Variants in KLHL29 observed in about 807,000 individuals in gnomAD.
The protein encoded by KLHL29 is kelch like family member 29, also known as kelch-like protein 29.
KLHL29 carries 21 observed loss-of-function variants against 80.4 expected under a neutral mutation model. The observed-to-expected ratio is 0.26, with a 90% CI of 0.19 to 0.38. The LOEUF (loss-of-function observed/expected upper bound fraction) is 0.38. Ranked by LOEUF, KLHL29 falls within the 10% of genes least tolerant of loss-of-function variation. The pLI is 1.00. For missense variants in KLHL29, 867 were observed against 1,223.9 expected (o/e 0.71, Z 4.35); for synonymous variants, 511 against 526.8 (o/e 0.97, Z 0.41).
chr2:23,412,162 G>A (rs1019668084), intron 1 of KLHL29, among the ~76,000 whole-genome samples: 3 of 151,196 alleles, frequency 2.0e-5, no homozygotes, highest in African/African-American at 4.9e-5. Context: ...GGATGGAAGG[G>A]CCATCTCTGA....
At chr2:23,406,354 C>T in intron 1 of KLHL29, among the ~76,000 whole-genome samples, 1 of 142,906 alleles carries the variant, frequency 7.0e-6, no homozygotes, top group South Asian at 2.2e-4. Flanking sequence ...GAAAAGAAAA[C>T]ACACATATTA....
chr2:23,486,372 T>C (rs536578495), intron 2 of KLHL29, among the ~76,000 whole-genome samples: 4 of 152,050 alleles, frequency 2.6e-5, no homozygotes, highest in African/African-American at 9.6e-5. Flanking sequence ...CCTCCCACGA[T>C]TGCCACTGAC....
chr2:23,438,106 C>T (rs1164739688), intron 1 of KLHL29, among the ~76,000 whole-genome samples: 1 of 149,920 alleles, frequency 6.7e-6, no homozygotes, highest in African/African-American at 2.5e-5. Flanking sequence ...ATTTGGCTCT[C>T]TGTTTGACTG....
At chr2:23,638,085 T>TAAAAAAAAAAAAAAAAAAA (rs553356362) in intron 3 of KLHL29, among the ~76,000 whole-genome samples, 5 of 111,592 alleles carry the variant, frequency 4.5e-5, no homozygotes, top group Non-Finnish European at 9.1e-5. Context: ...ATGGCCATAG[T>TAAAAAAAAAAAAAAAAAAA]AAAAAAAAAA....
intron 3 of KLHL29, among the ~76,000 whole-genome samples, chr2:23,584,084 G>A (rs1328913846): frequency 1.3e-5 from 2 of 152,192 alleles, no homozygotes; most frequent in Non-Finnish European, 2.9e-5. Context: ...CCACCTGCCT[G>A]GAGGAAACTA....
chr2:23,428,874 C>T (rs1193601176), intron 1 of KLHL29, among the ~76,000 whole-genome samples: 1 of 152,328 alleles, frequency 6.6e-6, no homozygotes, highest in South Asian at 2.1e-4. Flanking sequence ...AATGTCCCAG[C>T]CTTTCCCTTT....
intron 2 of KLHL29, among the ~76,000 whole-genome samples, chr2:23,555,149 G>T (rs1572397790): frequency 6.6e-6 from 1 of 151,760 alleles, no homozygotes; most frequent in South Asian, 2.1e-4. Flanking sequence ...GTGTCTCCCA[G>T]TGTCCCTGAG....
intron 1 of KLHL29, among the ~76,000 whole-genome samples, chr2:23,419,686 C>T (rs1373912211): frequency 6.6e-6 from 1 of 152,156 alleles, no homozygotes; most frequent in Admixed American, 6.5e-5. Context: ...TGGCCTTAAC[C>T]AGGAGTCTGG....
At chr2:23,659,245 G>A (rs1195477238) in intron 5 of KLHL29, among the ~76,000 whole-genome samples, 2 of 152,134 alleles carry the variant, frequency 1.3e-5, no homozygotes, top group African/African-American at 4.8e-5. Flanking sequence ...CGTCCGCAGC[G>A]GCGCTGGGGG....
intron 6 of KLHL29, among the ~76,000 whole-genome samples, chr2:23,686,543 C>T (rs114129185): frequency 0.033 from 5,056 of 152,052 alleles, 101 homozygotes; most frequent in South Asian, 0.085. Flanking sequence ...AGGACCAGGA[C>T]GGAAAGGCAA....
intron 6 of KLHL29, chr2:23,690,477 C>T (rs1671520541): frequency 6.6e-6 from 1 of 152,288 alleles, no homozygotes; most frequent in Admixed American, 6.5e-5. Context: ...TCGACAGCCC[C>T]ACCGCCAGCC....
chr2:23,423,219 A>G (rs1249403117), intron 1 of KLHL29, among the ~76,000 whole-genome samples: 1 of 152,134 alleles, frequency 6.6e-6, no homozygotes, highest in Non-Finnish European at 1.5e-5. Context: ...AAAAGCCTGG[A>G]TGGTTCTCCC....
chr2:23,540,299 T>C (rs1421004202), intron 2 of KLHL29, among the ~76,000 whole-genome samples: 1 of 152,246 alleles, frequency 6.6e-6, no homozygotes, highest in Admixed American at 6.5e-5. Context: ...TCAATTACAA[T>C]TAAATAAAAT....
chr2:23,654,056 G>T (rs1259903720), intron 5 of KLHL29, among the ~76,000 whole-genome samples: 1 of 152,042 alleles, frequency 6.6e-6, no homozygotes, highest in Non-Finnish European at 1.5e-5. Context: ...AATCCCAGCT[G>T]CCTGGGAGGC....
At chr2:23,557,674 A>G (rs991956838) in intron 2 of KLHL29, among the ~76,000 whole-genome samples, 4 of 151,560 alleles carry the variant, frequency 2.6e-5, no homozygotes, top group Non-Finnish European at 5.9e-5. Flanking sequence ...GGCCTAGGAG[A>G]CCCCTTTGAC....
intron 1 of KLHL29, among the ~76,000 whole-genome samples, chr2:23,394,040 G>A (rs1460914762): frequency 6.6e-6 from 1 of 152,218 alleles, no homozygotes; most frequent in East Asian, 1.9e-4. Context: ...AGAGGACTCT[G>A]TGTCTCTGTT....
rs1313847320 is a variant in KLHL29 at position 23,642,431 on chromosome 2, C to T, written c.521C>T (p.Pro174Leu). ...GTGGCCCAGCCTCCCACCTTCAGCC[C>T]GGCTGTGAACGTCCAGGCCCCGGTC... is the stretch of plus-strand genomic sequence containing the variant. ...YGVAQPPTFS[P>L]AVNVQAPVIG... Residue 174 changes from proline to leucine, a missense_variant, in exon 5 of 14, where the codon CCG becomes CTG. Coordinates refer to ENST00000486442, the MANE Select transcript of KLHL29 (RefSeq NM_052920.2). 13 of 1,495,278 alleles carry T rather than the reference C, an allele frequency of 8.7e-6. No homozygotes were observed. Among genetic ancestry groups the T allele is most frequent in the East Asian group, 2.5e-5 (1 of 40,328 alleles). The allele number at this position is 1,495,278 out of a possible 1,614,324, so 92.6% of individuals were successfully genotyped here.
At chr2:23,487,321 C>T (rs1020495887) in intron 2 of KLHL29, among the ~76,000 whole-genome samples, 2 of 152,146 alleles carry the variant, frequency 1.3e-5, no homozygotes, top group African/African-American at 4.8e-5. Context: ...GAGGCCAAAC[C>T]AAGGACGCTG....
At chr2:23,574,813 T>A (rs768478566) in intron 3 of KLHL29, among the ~76,000 whole-genome samples, 1 of 152,204 alleles carries the variant, frequency 6.6e-6, no homozygotes, top group Non-Finnish European at 1.5e-5. Context: ...CAGGGACAGC[T>A]GACCCACCAC....
Sources: allele counts gnomAD v4.1 joint callset (sites outside exome capture counted in the v4.1 genomes callset), GRCh38; gene constraint gnomAD v4.1.1; transcripts MANE v1.5; gene names NCBI Gene and HGNC (gene_info 2026-07-23, HGNC 2026-07-21).